Variants in PPP1R12A observed in about 807,000 individuals in gnomAD.
PPP1R12A encodes the protein protein phosphatase 1 regulatory subunit 12A.
In PPP1R12A, 19 loss-of-function variants were observed where a neutral mutation model predicts 139.6. The observed-to-expected ratio is 0.14, with a 90% CI of 0.09 to 0.20. PPP1R12A has a LOEUF of 0.20. PPP1R12A is among the 10% of genes least tolerant of loss of function. PPP1R12A has a pLI of 1.00. For synonymous variants in PPP1R12A, 427 were observed against 420.6 expected, an observed-to-expected ratio of 1.02 and a Z score of -0.19; for missense variants, 925 against 1,211.5, an observed-to-expected ratio of 0.76 and a Z score of 3.51.
At chr12:79,907,937 G>A (rs1886260706) in intron 1 of PPP1R12A, among the ~76,000 whole-genome samples, 1 of 152,102 alleles carries the variant, frequency 6.6e-6, no homozygotes, top group Admixed American at 6.6e-5. Context: ...TTAAAAATTG[G>A]AAGACTGCTA....
chr12:79,825,108 C>T (rs796512328), intron 5 of PPP1R12A: 1 of 152,190 alleles, frequency 6.6e-6, no homozygotes, highest in African/African-American at 2.4e-5. Context: ...CAAGGTCATA[C>T]AGGTCATTAA....
intron 1 of PPP1R12A, among the ~76,000 whole-genome samples, chr12:79,916,821 G>A (rs1887033616): frequency 6.6e-6 from 1 of 151,930 alleles, no homozygotes; most frequent in Admixed American, 6.6e-5. Context: ...AAATTCATTA[G>A]TTATATCAAT....
intron 2 of PPP1R12A, among the ~76,000 whole-genome samples, chr12:79,870,173 A>T (rs1882420056): frequency 6.6e-6 from 1 of 152,088 alleles, no homozygotes; most frequent in Non-Finnish European, 1.5e-5. Flanking sequence ...ATCTCAGCTC[A>T]CTGCAACCTC....
chr12:79,784,943 T>C (rs1469453696), intron 22 of PPP1R12A, among the ~76,000 whole-genome samples: 12 of 152,074 alleles, frequency 7.9e-5, no homozygotes, highest in Admixed American at 7.9e-4. Flanking sequence ...CTGGCTGCAG[T>C]GGACATCTTT....
At chr12:79,822,873 T>C (rs900208251) in intron 5 of PPP1R12A, among the ~76,000 whole-genome samples, 41 of 152,020 alleles carry the variant, frequency 2.7e-4, no homozygotes, top group African/African-American at 8.9e-4. Context: ...ATACAACTTT[T>C]TGTGTGGACA....
At chr12:79,935,308 C>T (rs1888586713), upstream of PPP1R12A, 4 of 1,047,658 alleles carry the variant, frequency 3.8e-6, no homozygotes, top group Non-Finnish European at 4.6e-6. Context: ...GCTGGGCCAC[C>T]AGAGGGAAGC....
chr12:79,820,583 A>C (rs1200339665), intron 8 of PPP1R12A, among the ~76,000 whole-genome samples, 191 bp downstream of exon 8: 1 of 152,196 alleles, frequency 6.6e-6, no homozygotes, highest in South Asian at 2.1e-4. Flanking sequence ...AACAGCCTCC[A>C]GATAATTAAA....
rs1869596443 is a variant in PPP1R12A at position 79,775,168 on chromosome 12, CAAT to C, written c.*758_*760del. ...TTACAGAATCTAACATCTTATACTA[CAAT>C]AAAAAAAAAGTGACCAATGAAGCAG... On this transcript the variant is annotated 3_prime_UTR_variant, in exon 25 of 25. Coordinates refer to ENST00000450142, the MANE Select transcript of PPP1R12A (RefSeq NM_002480.3). The C allele has an allele frequency of 1.3e-5, 2 of 151,922 alleles. No individual in the cohort carries two copies. The highest frequency in any genetic ancestry group is 1.3e-4 in the Admixed American group (2 of 15,194). The allele number at this position is 151,922 out of a possible 1,614,324, so 9.4% of individuals were successfully genotyped here.
intron 1 of PPP1R12A, among the ~76,000 whole-genome samples, chr12:79,882,397 A>G (rs1883716673): frequency 1.3e-5 from 2 of 152,188 alleles, no homozygotes; most frequent in South Asian, 4.1e-4. Flanking sequence ...CAGTGAAGGA[A>G]GTAACTGCAG....
At position 79,796,870 on chromosome 12, in the gene PPP1R12A, C is replaced by G. The variant is rs2694657; in HGVS notation, c.2373G>C (p.Leu791=). Residue 791 remains leucine (L), a synonymous_variant, in exon 17 of 25, where the codon CTG becomes CTC. Coordinates refer to ENST00000450142, the MANE Select transcript of PPP1R12A (RefSeq NM_002480.3). ...SSSLSTMSSS[L]YASSQLNRPN... ...GCCTGTTTAGTTGACTTGAAGCATA[C>G]AGTGAACTGCTCATAGTAGAAAGTG... is the stretch of plus-strand genomic sequence containing the variant. The G allele has an allele frequency of 0.11, 170,106 of 1,610,402 alleles. 18,047 individuals are homozygous for G. The highest frequency in any genetic ancestry group is 0.5 in the African/African-American group (37,391 of 74,752).
intron 24 of PPP1R12A, among the ~76,000 whole-genome samples, chr12:79,776,694 AACAAC>A (rs1324588579): frequency 1.3e-5 from 2 of 152,176 alleles, no homozygotes; most frequent in Non-Finnish European, 2.9e-5. Flanking sequence ...CATATCTTCA[AACAAC>A]ACATCTCAAT....
chr12:79,871,182 C>T (rs1039748775), intron 2 of PPP1R12A, among the ~76,000 whole-genome samples: 12 of 152,108 alleles, frequency 7.9e-5, no homozygotes, highest in Admixed American at 7.9e-4. Flanking sequence ...AATGTCCTTC[C>T]TCTAAATGAT....
Position 79,777,972 on chromosome 12 carries a change from A to G in PPP1R12A, c.3006+578T>C, listed in dbSNP as rs1319376220. Among the ~76,000 whole-genome samples, 5 of 152,190 alleles carry G rather than the reference A, an allele frequency of 3.3e-5. No individual in the cohort carries two copies. The East Asian group carries it at 9.6e-4, about 29-fold the overall frequency. Reference sequence around the variant, plus strand: ...CAATATACTTACTATGCACTGGTTCATTAATTCACAATGTGATAAAGATTT... The same window carrying G: ...CAATATACTTACTATGCACTGGTTCGTTAATTCACAATGTGATAAAGATTT... On this transcript the variant is annotated intron_variant, in intron 24 of 24. Transcript: ENST00000450142.
intron 11 of PPP1R12A, 74 bp downstream of exon 11, chr12:79,808,409 C>G: frequency 1.0e-6 from 1 of 1,001,112 alleles, no homozygotes; most frequent in East Asian, 2.4e-5. Context: ...AATTACAATG[C>G]TCATGTATTA....
Position 79,828,372 on chromosome 12 carries a change from G to A in PPP1R12A, c.740C>T (p.Ala247Val). The A allele has an allele frequency of 6.2e-7, 1 of 1,612,418 alleles. No homozygotes were observed. The highest frequency in any genetic ancestry group is 8.5e-7 in the Non-Finnish European group (1 of 1,178,946). Residue 247 changes from alanine (A) to valine (V), a missense_variant, in exon 5 of 25, where the codon GCA becomes GTA. Transcript: ENST00000450142. ...HAAAHWGKEE[A>V]CRILVDNLCD... ...CAGATTGTCCACTAAAATTCGACAT[G>A]CTTCTTCTTTACCCCAATGAGCTGC...
chr12:79,777,075 AAT>A, intron 24 of PPP1R12A: 2 of 751,424 alleles, frequency 2.7e-6, no homozygotes, highest in East Asian at 1.3e-4. Flanking sequence ...TATAAACTTA[AAT>A]ATAAACTAAT....
intron 2 of PPP1R12A, among the ~76,000 whole-genome samples, chr12:79,867,965 T>C (rs574597184): frequency 1.3e-5 from 2 of 152,324 alleles, no homozygotes; most frequent in East Asian, 3.9e-4. Flanking sequence ...TAAATCTTGT[T>C]CCTTTATAAA....
intron 23 of PPP1R12A, chr12:79,779,047 C>A: frequency 4.1e-6 from 1 of 245,926 alleles, no homozygotes; most frequent in Non-Finnish European, 8.4e-6. Context: ...TCATTTCCTC[C>A]ACTCACAATG....
intron 1 of PPP1R12A, among the ~76,000 whole-genome samples, chr12:79,878,642 G>T (rs2137365406): frequency 6.6e-6 from 1 of 152,266 alleles, no homozygotes; most frequent in East Asian, 1.9e-4. Flanking sequence ...TACCATCATG[G>T]TGGAAGGAGA....
Sources: gnomAD v4.1 joint callset for allele counts (sites outside exome capture counted in the v4.1 genomes callset) on GRCh38, gnomAD v4.1.1 for gene constraint, MANE v1.5 for transcripts, NCBI Gene and HGNC (gene_info 2026-07-23, HGNC 2026-07-21) for gene names.